The following RYR2 variants were observed in gnomAD, a reference collection of about 807,000 sequenced individuals.
The protein encoded by RYR2 is ryanodine receptor 2.
In RYR2, 227 loss-of-function variants were observed where a neutral mutation model predicts 601.1. That is an observed-to-expected ratio of 0.38 (90% confidence interval 0.34 to 0.42). The LOEUF (loss-of-function observed/expected upper bound fraction) is 0.42. RYR2 is among the 10% of genes least tolerant of loss of function. RYR2 has a pLI of 1.00. For missense variants in RYR2, 4,646 were observed against 6,156.5 expected (o/e 0.75, Z 8.21); for synonymous variants, 2,223 against 2,175.1 (o/e 1.02, Z -0.61).
chr1:237,477,553 A>G (rs1376010985), intron 17 of RYR2, among the ~76,000 whole-genome samples: 1 of 152,172 alleles, frequency 6.6e-6, no homozygotes, highest in Non-Finnish European at 1.5e-5. Flanking sequence ...ATGGCTATTT[A>G]TTACCATTGT....
chr1:237,476,989 G>A (rs1661479184), intron 17 of RYR2, among the ~76,000 whole-genome samples: 1 of 152,104 alleles, frequency 6.6e-6, no homozygotes, highest in East Asian at 1.9e-4. Flanking sequence ...TAGCCCTTTA[G>A]GGTGGCATTC....
chr1:237,402,159 C>T (rs1173225559), intron 10 of RYR2, among the ~76,000 whole-genome samples: 1 of 150,442 alleles, frequency 6.6e-6, no homozygotes, highest in Non-Finnish European at 1.5e-5. Context: ...TTTGGGAAGC[C>T]AAGGCAAGAA....
At chr1:237,268,539 C>T (rs1689300958) in intron 1 of RYR2, among the ~76,000 whole-genome samples, 1 of 152,058 alleles carries the variant, frequency 6.6e-6, no homozygotes, top group South Asian at 2.1e-4. Context: ...AATCAGTGAG[C>T]ACCTGGAGGG....
At chr1:237,697,349 ATATAT>A (rs1687554403) in intron 63 of RYR2, among the ~76,000 whole-genome samples, 1 of 142,680 alleles carries the variant, frequency 7.0e-6, no homozygotes, top group Non-Finnish European at 1.5e-5. Flanking sequence ...TATAGTATAT[ATATAT>A]AATATATATT....
intron 1 of RYR2, among the ~76,000 whole-genome samples, chr1:237,233,915 C>T (rs926659619): frequency 1.3e-5 from 2 of 151,848 alleles, no homozygotes; most frequent in Non-Finnish European, 2.9e-5. Context: ...TGGTCTTGAA[C>T]TTGTTGTCTT....
chr1:237,827,834 G>T (rs1663309116), intron 101 of RYR2, among the ~76,000 whole-genome samples: 1 of 149,586 alleles, frequency 6.7e-6, no homozygotes, highest in East Asian at 2.0e-4. Flanking sequence ...CTGCTGGGGA[G>T]GCTGAAGCAG....
At chr1:237,806,073 C>T (rs1660601309) in intron 98 of RYR2, 64 bp from the exon 99 acceptor site, 11 of 1,438,464 alleles carry the variant, frequency 7.6e-6, no homozygotes, top group Admixed American at 1.7e-5. Flanking sequence ...TTTTGCTTAA[C>T]CCATAACAAT....
chr1:237,141,593 C>G (rs914979068), intron 1 of RYR2, among the ~76,000 whole-genome samples: 3 of 152,080 alleles, frequency 2.0e-5, no homozygotes, highest in Admixed American at 2.0e-4. Flanking sequence ...GTCCAGAGAC[C>G]AAGGAATGAC....
chr1:237,244,873 A>G (rs1686637496), intron 1 of RYR2, among the ~76,000 whole-genome samples: 2 of 152,054 alleles, frequency 1.3e-5, no homozygotes, highest in South Asian at 4.2e-4. Context: ...TTTATAGCAA[A>G]GCTCTTAAAG....
At chr1:237,516,558 A>G (rs781116518) in intron 24 of RYR2, among the ~76,000 whole-genome samples, 18 of 152,228 alleles carry the variant, frequency 1.2e-4, no homozygotes, top group Admixed American at 6.5e-4. Flanking sequence ...ACCTCCCCAA[A>G]TATCCATCTC....
chr1:237,406,187 C>CCCCT (rs1703865888), intron 10 of RYR2, among the ~76,000 whole-genome samples: 2 of 36,666 alleles, frequency 5.5e-5, no homozygotes, highest in African/African-American at 1.2e-4. Flanking sequence ...CCCCTCCCCT[C>CCCCT]CCCTTCCCTT....
At chr1:237,449,319 G>A (rs182874652) in intron 14 of RYR2, among the ~76,000 whole-genome samples, 11 of 151,954 alleles carry the variant, frequency 7.2e-5, no homozygotes, top group Admixed American at 2.0e-4. Context: ...GGTTACTTAC[G>A]GTTTATAGCA....
chr1:237,170,444 C>T (rs1677229158), intron 1 of RYR2, among the ~76,000 whole-genome samples: 1 of 152,176 alleles, frequency 6.6e-6, no homozygotes, highest in Non-Finnish European at 1.5e-5. Context: ...ACACTGAGAG[C>T]TGTGACCCTC....
At chr1:237,108,734 C>T (rs528376222) in intron 1 of RYR2, among the ~76,000 whole-genome samples, 13 of 152,262 alleles carry the variant, frequency 8.5e-5, no homozygotes, top group Non-Finnish European at 1.9e-4. Flanking sequence ...CTTTTACACA[C>T]CCCAGGTGAT....
Position 237,742,365 on chromosome 1 carries a change from C to T in RYR2, c.11145+16C>T. On this transcript the variant is annotated intron_variant, in intron 80 of 104. Transcript: ENST00000366574. Reference sequence around the variant, plus strand: ...GAGTTTTGAAGTAAGATGGATCTTTCTGGATTTGCCTTTCTTTCTATCTTG... The same window carrying T: ...GAGTTTTGAAGTAAGATGGATCTTTTTGGATTTGCCTTTCTTTCTATCTTG... 6.5e-7 allele frequency: 1 copy of T among 1,528,798 alleles called. No homozygotes were observed. Among genetic ancestry groups the T allele is most frequent in the African/African-American group, 1.4e-5 (1 of 72,616 alleles). 94.7% of individuals were successfully genotyped at this position (1,528,798 alleles called of 1,614,324 possible).
chr1:237,148,653 G>C (rs940028645), intron 1 of RYR2, among the ~76,000 whole-genome samples: 3 of 151,084 alleles, frequency 2.0e-5, no homozygotes, highest in Non-Finnish European at 4.4e-5. Flanking sequence ...CAGCATGGGA[G>C]AATAGAAAGA....
intron 29 of RYR2, among the ~76,000 whole-genome samples, chr1:237,574,936 G>A (rs1029507045): frequency 1.3e-5 from 2 of 152,190 alleles, no homozygotes; most frequent in African/African-American, 4.8e-5. Flanking sequence ...GATAAGAAAT[G>A]AGTATTGCTT....
At chr1:237,222,803 T>C (rs1472455609) in intron 1 of RYR2, among the ~76,000 whole-genome samples, 1 of 152,124 alleles carries the variant, frequency 6.6e-6, no homozygotes. Context: ...CGGTGGCTTA[T>C]GCCTGTAATC....
rs768284117 is a variant in RYR2 at position 237,787,999 on chromosome 1, G to A, written c.13340G>A (p.Gly4447Glu). ...SEPEKAEGEDGEKEEKAKEDK... is the reference protein window; with the variant it reads ...SEPEKAEGEDEEKEEKAKEDK... ...GTTTGTTTTCATAGGGGAGAAGATG[G>A]AGAAAAAGAAGAGAAAGCCAAGGAA... Residue 4447 changes from glycine (G) to glutamate (E), a missense_variant, in exon 92 of 105, where the codon GGA becomes GAA. By Grantham distance (98) the Gly-to-Glu change is moderately conservative (BLOSUM62 -2). Transcript: ENST00000366574. 1 of 1,593,546 alleles carries A rather than the reference G, an allele frequency of 6.3e-7. No homozygotes were observed. Among genetic ancestry groups the A allele is most frequent in the South Asian group, 1.1e-5 (1 of 88,144 alleles).
Sources: gnomAD v4.1 joint callset for allele counts (sites outside exome capture counted in the v4.1 genomes callset) on GRCh38, gnomAD v4.1.1 for gene constraint, MANE v1.5 for transcripts, NCBI Gene and HGNC (gene_info 2026-07-23, HGNC 2026-07-21) for gene names.